Variants in BRAP observed in about 807,000 individuals in gnomAD.
BRAP encodes the protein BRCA1 associated protein, also known as BRCA1-associated protein.
Under a neutral mutation model 73.4 loss-of-function variants are expected in BRAP, and 42 were observed. The ratio of observed to expected loss-of-function variants is 0.57; its 90% CI spans 0.45 to 0.74. The LOEUF is 0.74. BRAP is among the 30% of genes least tolerant of loss of function. The pLI is 0.00. For missense variants in BRAP, 593 were observed against 751.4 expected (o/e 0.79, Z 2.46); for synonymous variants, 255 against 267.4 (o/e 0.95, Z 0.45).
chr12:111,660,886 G>T (rs1221877353), intron 6 of BRAP, among the ~76,000 whole-genome samples: 1 of 152,082 alleles, frequency 6.6e-6, no homozygotes, highest in Admixed American at 6.6e-5. Context: ...TCTGCCTCAT[G>T]TCCTTTTCCG....
At chr12:111,672,857 T>C (rs548517039) in intron 4 of BRAP, 83 bp from the exon 5 acceptor site, 16 of 1,065,714 alleles carry the variant, frequency 1.5e-5, no homozygotes, top group African/African-American at 1.3e-4. Context: ...CATGGCTTTA[T>C]TCATTCTCAT....
chr12:111,678,692 T>C (rs1294876717), intron 4 of BRAP, among the ~76,000 whole-genome samples: 1 of 149,470 alleles, frequency 6.7e-6, no homozygotes, highest in African/African-American at 2.4e-5. Context: ...CTAGATTTTT[T>C]TTTTTTTTTT....
chr12:111,665,554 T>A lies in BRAP; in HGVS notation c.896+85A>T. 1 of 1,530,944 alleles carries A rather than the reference T, an allele frequency of 6.5e-7. No homozygotes were observed. Among genetic ancestry groups the A allele is most frequent in the Admixed American group, 1.8e-5 (1 of 54,130 alleles). 94.8% of individuals were successfully genotyped at this position (1,530,944 alleles called of 1,614,324 possible). On this transcript the variant is annotated intron_variant, in intron 6 of 11. Coordinates refer to ENST00000419234, the MANE Select transcript of BRAP (RefSeq NM_006768.5). This position sits in a 1 kb window ranked among gnomAD's most constrained non-coding sequence, Gnocchi z 4.3. The stretch of plus-strand genomic sequence containing the variant: ...CTTGAATAAAGTCAAATACTTGGAA[T>A]GGTTCATTTCTGCTGGTGGCTCTTT...
chr12:111,644,184 CTG>C lies in BRAP; in HGVS notation c.*13_*14del, dbSNP rs1228468678. ...TCAGGGAGAACAGTCTCAGGGATGT[CTG>C]TTGCTCTGAAGGTCACTTGCCCCTC... On this transcript the variant is annotated 3_prime_UTR_variant, in exon 12 of 12. Transcript: ENST00000419234. 1 of 1,602,798 alleles carries C rather than the reference CTG, an allele frequency of 6.2e-7. No homozygotes were observed. The highest frequency in any genetic ancestry group is 1.1e-5 in the South Asian group (1 of 90,632).
At chr12:111,666,353 G>A (rs1009695452) in intron 5 of BRAP, among the ~76,000 whole-genome samples, 5 of 152,180 alleles carry the variant, frequency 3.3e-5, no homozygotes, top group African/African-American at 1.2e-4. Flanking sequence ...AGAATAGCTG[G>A]ACCTGAAGGA....
intron 5 of BRAP, chr12:111,670,088 AAC>A: frequency 1.6e-6 from 1 of 627,184 alleles, no homozygotes; most frequent in East Asian, 3.7e-5. Flanking sequence ...CAAGAGTTGG[AAC>A]AGTTTCTTTT....
chr12:111,662,168 T>A (rs1024308794), intron 6 of BRAP, among the ~76,000 whole-genome samples: 2 of 152,184 alleles, frequency 1.3e-5, no homozygotes, highest in Non-Finnish European at 2.9e-5. Flanking sequence ...ATACTAGTCA[T>A]GAGTATTTTT....
chr12:111,658,859 C>A lies in BRAP; in HGVS notation c.1112-14G>T. On this transcript the variant is annotated splice_polypyrimidine_tract_variant and intron_variant, in intron 8 of 11. Transcript: ENST00000419234. ...GAACATAGTTATCTACAGAAAGAGT[C>A]AACAAAAGTGTGTTTCTTTAGAATG... is the stretch of plus-strand genomic sequence containing the variant. 6.3e-7 allele frequency: 1 copy of A among 1,579,586 alleles called. No individual in the cohort carries two copies. Among genetic ancestry groups the A allele is most frequent in the South Asian group, 1.1e-5 (1 of 89,112 alleles).
At chr12:111,676,859 T>G (rs1887402881) in intron 4 of BRAP, among the ~76,000 whole-genome samples, 1 of 152,154 alleles carries the variant, frequency 6.6e-6, no homozygotes, top group African/African-American at 2.4e-5. Flanking sequence ...ACTTCCAGTC[T>G]TACACCAAGA....
chr12:111,656,293 G>A (rs1011711574), intron 9 of BRAP, among the ~76,000 whole-genome samples: 5 of 152,224 alleles, frequency 3.3e-5, no homozygotes, highest in Non-Finnish European at 5.9e-5. Flanking sequence ...GAGAGAAGGC[G>A]AGATTTGAGA....
chr12:111,651,529 A>T (rs145907174), intron 10 of BRAP, among the ~76,000 whole-genome samples: 2,338 of 151,656 alleles, frequency 0.015, 70 homozygotes, highest in African/African-American at 0.053. Context: ...AGAGCAAGAC[A>T]CCATTACAAA....
chr12:111,665,517 G>T lies in BRAP; in HGVS notation c.896+122C>A. The T allele has an allele frequency of 7.3e-7, 1 of 1,372,790 alleles. No individual in the cohort carries two copies. Among genetic ancestry groups the T allele is most frequent in the Non-Finnish European group, 9.8e-7 (1 of 1,015,576 alleles). 85.0% of individuals were successfully genotyped at this position (1,372,790 alleles called of 1,614,324 possible). Reference sequence around the variant, plus strand: ...TCCCTGAACTTAGGAAAGGGAAGGAGAAAAAGGACCTCTTGAATAAAGTCA... The same window carrying T: ...TCCCTGAACTTAGGAAAGGGAAGGATAAAAAGGACCTCTTGAATAAAGTCA... On this transcript the variant is annotated intron_variant, in intron 6 of 11. Coordinates refer to ENST00000419234, the MANE Select transcript of BRAP (RefSeq NM_006768.5). The surrounding 1 kb of genome is among the most constrained non-coding windows in gnomAD (Gnocchi z 4.3).
At chr12:111,676,359 C>G (rs1184593256) in intron 4 of BRAP, among the ~76,000 whole-genome samples, 1 of 152,192 alleles carries the variant, frequency 6.6e-6, no homozygotes, top group African/African-American at 2.4e-5. Context: ...CACCTACTAG[C>G]TGTTTGGCTG....
At chr12:111,651,320 A>G (rs947742537) in intron 10 of BRAP, among the ~76,000 whole-genome samples, 1 of 152,008 alleles carries the variant, frequency 6.6e-6, no homozygotes, top group Non-Finnish European at 1.5e-5. Context: ...CGGGTGGATC[A>G]CGAGGTCAGG....
At chr12:111,685,636 G>A in intron 1 of BRAP, 75 bp downstream of exon 1, 2 of 1,491,602 alleles carry the variant, frequency 1.3e-6, no homozygotes, top group Non-Finnish European at 1.8e-6. Flanking sequence ...CTTTTCCCGG[G>A]CCAGTGCTTT....
chr12:111,678,768 C>A lies in BRAP; in HGVS notation c.633+383G>T, dbSNP rs537038886. ...GCAGTGGTGTGATGTCAGCTTTCTGCAACCTCTGCCTCCTTGCAAAACCCT... is the reference window on the plus strand; with the variant it reads ...GCAGTGGTGTGATGTCAGCTTTCTGAAACCTCTGCCTCCTTGCAAAACCCT... On this transcript the variant is annotated intron_variant, in intron 4 of 11. Transcript: ENST00000419234. Among the ~76,000 whole-genome samples the A allele has an allele frequency of 8.2e-5, 12 of 146,218 alleles. No homozygotes were observed. The South Asian group carries it at 2.6e-3, about 32-fold the overall frequency.
chr12:111,668,873 G>A (rs1199135445), intron 5 of BRAP, among the ~76,000 whole-genome samples: 2 of 152,008 alleles, frequency 1.3e-5, no homozygotes, highest in African/African-American at 4.8e-5. Flanking sequence ...AACCAAGATG[G>A]TCTCGATCTC....
At chr12:111,670,229 T>C in intron 5 of BRAP, 2 of 603,168 alleles carry the variant, frequency 3.3e-6, no homozygotes, top group Non-Finnish European at 3.2e-6. Flanking sequence ...ATCTGACCGT[T>C]TCTCAATGCT....
chr12:111,647,813 T>C (rs1886163527), intron 11 of BRAP, among the ~76,000 whole-genome samples: 1 of 151,210 alleles, frequency 6.6e-6, no homozygotes, highest in Non-Finnish European at 1.5e-5. Flanking sequence ...GAGAATTGCT[T>C]GAACCCCGGA....
Sources: gnomAD v4.1 joint callset for allele counts (sites outside exome capture counted in the v4.1 genomes callset) on GRCh38, gnomAD v4.1.1 for gene constraint, Gnocchi (gnomAD v3.1) non-coding constraint, MANE v1.5 for transcripts, NCBI Gene and HGNC (gene_info 2026-07-23, HGNC 2026-07-21) for gene names.